SPIC: variants seen among roughly 807,000 people sequenced by gnomAD.
SPIC encodes the protein Spi-C transcription factor.
SPIC carries 9 observed loss-of-function variants against 16.7 expected under a neutral mutation model. The observed-to-expected ratio is 0.54, with a 90% CI of 0.33 to 0.94. The LOEUF is 0.94. Among genes scored for constraint, SPIC ranks in the 40% least tolerant of loss-of-function variants. The pLI, the probability that SPIC is intolerant of heterozygous loss-of-function variation, is 0.03. For synonymous variants in SPIC, 97 were observed against 102.9 expected (o/e 0.94, Z 0.35); for missense variants, 241 against 285.8 (o/e 0.84, Z 1.13).
intron 3 of SPIC, among the ~76,000 whole-genome samples, chr12:101,479,347 G>GAA (rs1317693960): frequency 2.3e-4 from 35 of 150,190 alleles, no homozygotes; most frequent in African/African-American, 7.4e-4. Context: ...AAGAAAGAAA[G>GAA]AAAGAAAGAA....
chr12:101,476,961 CATA>C (rs1264970269), intron 2 of SPIC, 54 bp downstream of exon 2: 8 of 1,257,922 alleles, frequency 6.4e-6, no homozygotes, highest in Non-Finnish European at 8.4e-6. Context: ...AGCTCTACAG[CATA>C]ATAATTAAAA....
At chr12:101,485,341 C>T (rs991880929) in intron 5 of SPIC, among the ~76,000 whole-genome samples, 1 of 152,186 alleles carries the variant, frequency 6.6e-6, no homozygotes, top group Non-Finnish European at 1.5e-5. Context: ...ATCAACTGAA[C>T]AAAACCCACA....
At chr12:101,481,367 A>G (rs970836654) in intron 4 of SPIC, among the ~76,000 whole-genome samples, 2 of 151,584 alleles carry the variant, frequency 1.3e-5, no homozygotes, top group Admixed American at 6.6e-5. Context: ...TTAAATATAA[A>G]TTTTTTTGTT....
At chr12:101,476,575 T>G (rs1337808853) in intron 1 of SPIC, among the ~76,000 whole-genome samples, 1 of 152,128 alleles carries the variant, frequency 6.6e-6, no homozygotes, top group African/African-American at 2.4e-5. Context: ...CACTTTCTCT[T>G]ATCAATCAAG....
At chr12:101,485,384 T>C (rs576151499) in intron 5 of SPIC, among the ~76,000 whole-genome samples, 20 of 152,358 alleles carry the variant, frequency 1.3e-4, no homozygotes, top group African/African-American at 3.6e-4. Flanking sequence ...CCTAGTTATT[T>C]TGAAATATAA....
intron 3 of SPIC, among the ~76,000 whole-genome samples, chr12:101,479,351 G>GAA (rs1873114148): frequency 1.3e-5 from 2 of 150,476 alleles, no homozygotes; most frequent in Non-Finnish European, 3.0e-5. Context: ...AAGAAAGAAA[G>GAA]AAAGAAATCA....
intron 2 of SPIC, 142 bp from the exon 3 acceptor site, chr12:101,477,415 CT>C: frequency 5.4e-6 from 4 of 736,386 alleles, no homozygotes; most frequent in South Asian, 5.2e-5. Context: ...GGCAGCCCCC[CT>C]GACAACAGAG....
At chr12:101,477,110 T>C (rs1417807730) in intron 2 of SPIC, among the ~76,000 whole-genome samples, 2 of 152,204 alleles carry the variant, frequency 1.3e-5, no homozygotes, top group African/African-American at 4.8e-5. Context: ...AAACAACAAT[T>C]CATAGGTTCT....
intron 5 of SPIC, among the ~76,000 whole-genome samples, chr12:101,484,286 C>T (rs1030699488): frequency 1.3e-5 from 2 of 151,988 alleles, no homozygotes; most frequent in African/African-American, 4.8e-5. Context: ...GTAATCCTAG[C>T]ACTTTGGGAG....
intron 5 of SPIC, among the ~76,000 whole-genome samples, chr12:101,485,149 A>G (rs780436314): frequency 4.6e-5 from 7 of 152,206 alleles, no homozygotes; most frequent in Non-Finnish European, 8.8e-5. Context: ...ATTATTCCCC[A>G]GAGACTGTTT....
chr12:101,478,033 C>CTTTTTTTTT (rs71091502), intron 3 of SPIC, among the ~76,000 whole-genome samples: 3 of 137,714 alleles, frequency 2.2e-5, no homozygotes, highest in Non-Finnish European at 4.8e-5. Context: ...TTTCTTTTTT[C>CTTTTTTTTT]TTTTTTTTTT....
chr12:101,475,983 G>A (rs1366635467), intron 1 of SPIC, among the ~76,000 whole-genome samples: 2 of 152,010 alleles, frequency 1.3e-5, no homozygotes, highest in African/African-American at 2.4e-5. Context: ...TATAATATTG[G>A]CATTAGATTA....
At chr12:101,479,119 A>G (rs898013248) in intron 3 of SPIC, among the ~76,000 whole-genome samples, 3 of 149,496 alleles carry the variant, frequency 2.0e-5, no homozygotes, top group African/African-American at 7.4e-5. Flanking sequence ...CCTGGGTAAC[A>G]GAGCAAGACC....
At chr12:101,483,709 G>A (rs1873280011) in intron 5 of SPIC, among the ~76,000 whole-genome samples, 1 of 151,784 alleles carries the variant, frequency 6.6e-6, no homozygotes, top group African/African-American at 2.4e-5. Flanking sequence ...CAATTCTCCT[G>A]CCTCAGCCTC....
At position 101,476,823 on chromosome 12, in the gene SPIC, T is replaced by C; in HGVS notation, c.-77-5T>C. The C allele has an allele frequency of 1.0e-6, 1 of 1,000,146 alleles. No homozygotes were observed. The highest frequency in any genetic ancestry group is 1.4e-6 in the Non-Finnish European group (1 of 709,402). 62.0% of individuals were successfully genotyped at this position (1,000,146 alleles called of 1,614,324 possible). ...TTTTGCTTTTTAAATATTAAACTTT[T>C]TCAGGATTGTCAACTTATTTTATTT... On this transcript the variant is annotated splice_polypyrimidine_tract_variant and splice_region_variant and intron_variant, in intron 1 of 5. Transcript: ENST00000551346.
chr12:101,476,635 TA>T (rs1294689853), intron 1 of SPIC, among the ~76,000 whole-genome samples, 192 bp from the exon 2 acceptor site: 2 of 152,104 alleles, frequency 1.3e-5, no homozygotes, highest in African/African-American at 4.8e-5. Flanking sequence ...AAGCATTTTG[TA>T]ATCATGGAAA....
chr12:101,475,673 T>G (rs1872936439), intron 1 of SPIC, among the ~76,000 whole-genome samples, 171 bp downstream of exon 1: 1 of 152,228 alleles, frequency 6.6e-6, no homozygotes, highest in South Asian at 2.1e-4. Context: ...TTGCTACTTG[T>G]AATAGCTGCG....
chr12:101,479,246 G>GAA (rs1369814180), intron 3 of SPIC, among the ~76,000 whole-genome samples: 7 of 85,780 alleles, frequency 8.2e-5, no homozygotes, highest in African/African-American at 1.8e-4. Flanking sequence ...GAAAGAAAAA[G>GAA]AAAGAAAGAA....
chr12:101,485,013 G>C (rs1453873813), intron 5 of SPIC, among the ~76,000 whole-genome samples: 1 of 152,204 alleles, frequency 6.6e-6, no homozygotes, highest in African/African-American at 2.4e-5. Context: ...TTTAATTCAT[G>C]ATGTGTTTTT....
Sources: allele counts gnomAD v4.1 joint callset (sites outside exome capture counted in the v4.1 genomes callset), GRCh38; gene constraint gnomAD v4.1.1; transcripts MANE v1.5; gene names NCBI Gene and HGNC (gene_info 2026-07-23, HGNC 2026-07-21).